HSF5: variants seen among roughly 807,000 people sequenced by gnomAD.
HSF5 encodes heat shock transcription factor 5.
A neutral mutation model predicts 50.8 loss-of-function variants in HSF5; 5 were observed. The observed-to-expected ratio is 0.10, with a 90% CI of 0.05 to 0.21. The LOEUF (loss-of-function observed/expected upper bound fraction) is 0.21. HSF5 is among the 10% of genes least tolerant of loss of function. HSF5 has a pLI of 1.00. For missense variants in HSF5, 564 were observed against 762.6 expected (o/e 0.74, Z 3.07); for synonymous variants, 307 against 307.4 (o/e 1.00, Z 0.02).
intron 1 of HSF5, among the ~76,000 whole-genome samples, chr17:58,484,757 G>A (rs1374576872): frequency 6.6e-6 from 1 of 152,056 alleles, no homozygotes; most frequent in Admixed American, 6.6e-5. Context: ...TCAACTTACT[G>A]TTGGAACTTT....
chr17:58,430,132 G>A (rs1044418185), intron 5 of HSF5, among the ~76,000 whole-genome samples: 16 of 152,012 alleles, frequency 1.1e-4, no homozygotes, highest in African/African-American at 3.6e-4. Flanking sequence ...GGAGCACAGT[G>A]GCGCAATCTG....
chr17:58,457,924 A>G (rs1974735259), intron 5 of HSF5, among the ~76,000 whole-genome samples: 1 of 152,262 alleles, frequency 6.6e-6, no homozygotes, highest in Non-Finnish European at 1.5e-5. Flanking sequence ...TTTTGCAGAA[A>G]GAACCCTATG....
chr17:58,467,091 T>C lies in HSF5; in HGVS notation c.926-112A>G, dbSNP rs1974877945. The C allele has an allele frequency of 1.0e-5, 7 of 667,970 alleles. No individual in the cohort carries two copies. In the South Asian group the frequency reaches 1.2e-4, roughly 11 times the overall value. The allele number at this position is 667,970 out of a possible 1,614,324, so 41.4% of individuals were successfully genotyped here. A position where few individuals can be genotyped will look rare whatever the true frequency, so the allele number is the denominator to read the frequency against. The stretch of plus-strand genomic sequence containing the variant: ...AAATCCAAATTTGAAGAACTTCTTT[T>C]GTATGTCTAACAAAATATTTAGTCC... On this transcript the variant is annotated intron_variant, in intron 2 of 5. Transcript: ENST00000323777.
At chr17:58,459,275 C>T (rs1191088647) in intron 4 of HSF5, among the ~76,000 whole-genome samples, 1 of 151,830 alleles carries the variant, frequency 6.6e-6, no homozygotes, top group Non-Finnish European at 1.5e-5. Context: ...ACAATCATAG[C>T]TCACTGTAAC....
intron 5 of HSF5, among the ~76,000 whole-genome samples, chr17:58,458,080 GCCC>G (rs1974737410): frequency 6.6e-6 from 1 of 152,140 alleles, no homozygotes. Flanking sequence ...TGCACTGCAT[GCCC>G]CTGACATGAA....
chr17:58,470,550 A>G (rs1321579159), intron 2 of HSF5, among the ~76,000 whole-genome samples: 4 of 152,234 alleles, frequency 2.6e-5, no homozygotes, highest in East Asian at 3.8e-4. Context: ...TTGGGTGATG[A>G]AAAGTTTTGG....
intron 2 of HSF5, among the ~76,000 whole-genome samples, chr17:58,471,295 G>A (rs1036869344): frequency 1.2e-4 from 19 of 152,190 alleles, no homozygotes; most frequent in African/African-American, 4.6e-4. Context: ...AGGAGAGAGA[G>A]AGCTTCCTGG....
At chr17:58,424,012 T>C (rs551507606) in intron 5 of HSF5, among the ~76,000 whole-genome samples, 24 of 152,368 alleles carry the variant, frequency 1.6e-4, no homozygotes, top group Non-Finnish European at 3.2e-4. Flanking sequence ...TTTGAAATAG[T>C]ACCTAATTTT....
intron 5 of HSF5, among the ~76,000 whole-genome samples, chr17:58,439,017 G>C (rs376641708): frequency 1.3e-5 from 2 of 151,976 alleles, no homozygotes; most frequent in South Asian, 2.1e-4. Context: ...TACTTCTTTG[G>C]GGGGTTGGGG....
At chr17:58,467,551 G>C (rs540830653) in intron 2 of HSF5, among the ~76,000 whole-genome samples, 12 of 152,356 alleles carry the variant, frequency 7.9e-5, no homozygotes, top group African/African-American at 2.6e-4. Flanking sequence ...TTACAGCCCA[G>C]TGTAAATTTG....
rs1245970008 is a variant in HSF5 at position 58,428,240 on chromosome 17, GA to G, written c.1721-5811del. Among the ~76,000 whole-genome samples the G allele has an allele frequency of 2.6e-5, 4 of 152,126 alleles. No homozygotes were observed. In the East Asian group the frequency reaches 7.7e-4, roughly 29 times the overall value. On this transcript the variant is annotated intron_variant, in intron 5 of 5. Coordinates refer to ENST00000323777, the MANE Select transcript of HSF5 (RefSeq NM_001080439.3). ...ATCAAGATAAATTTAAGGAAAACAG[GA>G]AAAAGATTTCATCAAGTTGAATATT...
intron 5 of HSF5, among the ~76,000 whole-genome samples, chr17:58,455,441 C>T (rs1453711253): frequency 6.6e-6 from 1 of 151,888 alleles, no homozygotes; most frequent in South Asian, 2.1e-4. Flanking sequence ...GATAAGACCT[C>T]GAAAGCACAG....
intron 5 of HSF5, among the ~76,000 whole-genome samples, chr17:58,423,320 C>A (rs2143718510): frequency 6.6e-6 from 1 of 152,066 alleles, no homozygotes; most frequent in Admixed American, 6.5e-5. Flanking sequence ...AGTAAAAATG[C>A]AAATTAGGTA....
rs543934308 is a variant in HSF5, at chr17:58,487,764, G to C, written c.511C>G (p.Gln171Glu). 5.0e-6 allele frequency: 7 copies of C among 1,407,932 alleles called. No homozygotes were observed. In the South Asian group the frequency reaches 7.9e-5, roughly 16 times the overall value. 87.2% of individuals were successfully genotyped at this position (1,407,932 alleles called of 1,614,324 possible). The part of the protein sequence containing the change: ...SAATAPLQHQ[Q>E]PPPPAGPRPE... ...CGGGGCCCCGCGGGCGGCGGCGGCT[G>C]CTGGTGCTGCAGTGGCGCGGTGGCG... Residue 171 changes from glutamine to glutamate, a missense_variant, in exon 1 of 6, where the codon CAG becomes GAG. Gln to Glu is a conservative substitution (Grantham distance 29). Around this residue, in one of 5 missense-constraint regions of HSF5, gnomAD observed 441 missense variants for 533.6 expected, o/e 0.83. Coordinates refer to ENST00000323777, the MANE Select transcript of HSF5 (RefSeq NM_001080439.3).
At chr17:58,439,694 G>A (rs1974474787) in intron 5 of HSF5, among the ~76,000 whole-genome samples, 1 of 152,158 alleles carries the variant, frequency 6.6e-6, no homozygotes, top group African/African-American at 2.4e-5. Flanking sequence ...ATGTTGGTCA[G>A]GCTGGTCTGG....
intron 5 of HSF5, among the ~76,000 whole-genome samples, chr17:58,456,168 C>T (rs781486472): frequency 3.3e-4 from 30 of 92,172 alleles, no homozygotes; most frequent in Non-Finnish European, 5.7e-4. Flanking sequence ...TGTGTATATA[C>T]ACACACACAC....
intron 5 of HSF5, among the ~76,000 whole-genome samples, chr17:58,436,240 C>G (rs1164072185): frequency 6.6e-6 from 1 of 152,122 alleles, no homozygotes; most frequent in Non-Finnish European, 1.5e-5. Context: ...TGGGACCTTA[C>G]ATATAGCCAT....
Position 58,458,864 on chromosome 17 carries a change from T to C in HSF5, c.1624A>G (p.Met542Val), listed in dbSNP as rs753269028. The change falls in exon 5 of 6, where the codon ATG becomes GTG. Residue 542 changes from methionine to valine, a missense_variant. Around this residue, in one of 5 missense-constraint regions of HSF5, gnomAD observed 441 missense variants for 533.6 expected, o/e 0.83. Transcript: ENST00000323777. ...TCACTAGGCTTGCTAGCAGGCCCCA[T>C]TTCTGAAATGAGGAATCCCATCTGT... is the stretch of plus-strand genomic sequence containing the variant. ...SEQMGFLISE[M>V]GPASKPSEDT... The C allele has an allele frequency of 6.2e-7, 1 of 1,614,182 alleles. No individual in the cohort carries two copies. The highest frequency in any genetic ancestry group is 1.7e-5 in the Admixed American group (1 of 60,022).
chr17:58,484,570 T>G (rs970797638), intron 1 of HSF5, among the ~76,000 whole-genome samples: 13 of 150,562 alleles, frequency 8.6e-5, no homozygotes, highest in Non-Finnish European at 1.5e-4. Flanking sequence ...TTTCTCCTTA[T>G]ACCCACCAGA....
Sources: allele counts gnomAD v4.1 joint callset (sites outside exome capture counted in the v4.1 genomes callset), GRCh38; gene constraint gnomAD v4.1.1; regional missense constraint gnomAD v4.1.1; transcripts MANE v1.5; gene names NCBI Gene and HGNC (gene_info 2026-07-23, HGNC 2026-07-21).